Variants in VAT1L observed in about 807,000 individuals in gnomAD.
The protein encoded by VAT1L is putative NADPH-dependent quinone oxidoreductase VAT1L.
A neutral mutation model predicts 44.1 loss-of-function variants in VAT1L; 34 were observed. The observed-to-expected ratio is 0.77, with a 90% CI of 0.59 to 1.03. The LOEUF is 1.03. Among genes scored for constraint, VAT1L ranks in the 50% least tolerant of loss-of-function variants. The pLI is 0.00. For synonymous variants in VAT1L, 253 were observed against 202.2 expected, an observed-to-expected ratio of 1.25 and a Z score of -2.13; for missense variants, 615 against 538.8, an observed-to-expected ratio of 1.14 and a Z score of -1.40.
intron 2 of VAT1L, among the ~76,000 whole-genome samples, chr16:77,819,199 C>T (rs2016406832): frequency 1.3e-5 from 2 of 152,092 alleles, no homozygotes; most frequent in East Asian, 3.9e-4. Flanking sequence ...ATGAGCACCA[C>T]TGCCAAGGTG....
In VAT1L at chr16:77,919,157, TGTGCACGC is replaced by T. The variant is rs561398762; in HGVS notation, c.1077+34356_1077+34363del. Among the ~76,000 whole-genome samples the T allele has an allele frequency of 2.5e-4, 38 of 152,190 alleles. 1 individual carries two copies. In the South Asian group the frequency reaches 7.3e-3, roughly 29 times the overall value. On this transcript the variant is annotated intron_variant, in intron 7 of 8. Transcript: ENST00000302536. ...GTGTGCATGTGTGTGCATGCATGTG[TGTGCACGC>T]ATGTGTGCATGTGCATGTGTGTGTG...
In VAT1L at chr16:77,798,263, C is replaced by T. The variant is rs546620168; in HGVS notation, c.233+9348C>T. On this transcript the variant is annotated intron_variant, in intron 1 of 8. Transcript: ENST00000302536. The stretch of plus-strand genomic sequence containing the variant: ...ATTCCTTTCTTAACCTGGCACTAGC[C>T]ATACACCCAAGCCAGATGAGAGGCA... Among the ~76,000 whole-genome samples, 13 of 152,342 alleles carry T rather than the reference C, an allele frequency of 8.5e-5. No homozygotes were observed. In the South Asian group the frequency reaches 1.9e-3, roughly 22 times the overall value.
intron 3 of VAT1L, 119 bp from the exon 4 acceptor site, chr16:77,862,623 TAAAAAA>T (rs34096024): frequency 2.8e-4 from 110 of 396,430 alleles, no homozygotes; most frequent in Non-Finnish European, 3.1e-4. Context: ...ACTCCATCTC[TAAAAAA>T]AAAAAAAAAA....
rs563414533 is a variant in VAT1L at position 77,888,962 on chromosome 16, G to C, written c.1077+4160G>C. Among the ~76,000 whole-genome samples the C allele has an allele frequency of 2.0e-5, 3 of 152,288 alleles. No homozygotes were observed. In the East Asian group the frequency reaches 5.8e-4, roughly 29 times the overall value. ...AAGAACACCCACCGACTTTCTGCCG[G>C]CTTTCTGCAATATCTACAGACATCT... On this transcript the variant is annotated intron_variant, in intron 7 of 8. Transcript: ENST00000302536.
At chr16:77,915,997 C>T (rs1049787837) in intron 7 of VAT1L, among the ~76,000 whole-genome samples, 6 of 152,184 alleles carry the variant, frequency 3.9e-5, no homozygotes, top group Non-Finnish European at 7.3e-5. Flanking sequence ...AGCTGGCATA[C>T]TTAAGCATCA....
intron 7 of VAT1L, among the ~76,000 whole-genome samples, chr16:77,903,864 G>C (rs1345936630): frequency 1.3e-5 from 2 of 151,378 alleles, no homozygotes; most frequent in Admixed American, 1.3e-4. Flanking sequence ...AGCCTCCCGA[G>C]TAGCTGGGAC....
intron 7 of VAT1L, among the ~76,000 whole-genome samples, chr16:77,940,018 C>G (rs2017859015): frequency 6.6e-6 from 1 of 152,132 alleles, no homozygotes; most frequent in East Asian, 1.9e-4. Flanking sequence ...ATCAGTGCAT[C>G]AAGGTTTTCC....
intron 7 of VAT1L, among the ~76,000 whole-genome samples, chr16:77,954,044 AT>A (rs935137757): frequency 6.4e-4 from 98 of 152,276 alleles, no homozygotes; most frequent in African/African-American, 2.3e-3. Flanking sequence ...CACCACTGAG[AT>A]TCGTCCCTGA....
intron 1 of VAT1L, among the ~76,000 whole-genome samples, chr16:77,795,497 T>C (rs1231856976): frequency 6.6e-6 from 1 of 152,178 alleles, no homozygotes; most frequent in East Asian, 1.9e-4. Flanking sequence ...TCTGATGGCT[T>C]GTTTGTAGTA....
At chr16:77,796,421 C>T (rs2015934853) in intron 1 of VAT1L, among the ~76,000 whole-genome samples, 1 of 152,138 alleles carries the variant, frequency 6.6e-6, no homozygotes, top group Admixed American at 6.5e-5. Flanking sequence ...AAATTATCAT[C>T]CATGTTTTCT....
chr16:77,855,391 C>T (rs886851600), intron 3 of VAT1L, among the ~76,000 whole-genome samples: 2 of 151,910 alleles, frequency 1.3e-5, no homozygotes, highest in South Asian at 2.1e-4. Context: ...TGAGCTTACC[C>T]CTAGTCACAC....
chr16:77,900,789 C>A (rs997536119), intron 7 of VAT1L, among the ~76,000 whole-genome samples: 6 of 152,052 alleles, frequency 3.9e-5, no homozygotes, highest in African/African-American at 1.2e-4. Context: ...GACTGTACCC[C>A]ATTCCTGGCT....
intron 3 of VAT1L, among the ~76,000 whole-genome samples, chr16:77,849,767 C>T (rs1567487128): frequency 6.6e-6 from 1 of 152,188 alleles, no homozygotes; most frequent in African/African-American, 2.4e-5. Context: ...ACAGTTAAAA[C>T]GTACTCTGAT....
At chr16:77,844,523 C>G (rs1343890823) in intron 3 of VAT1L, among the ~76,000 whole-genome samples, 4 of 152,160 alleles carry the variant, frequency 2.6e-5, no homozygotes, top group Non-Finnish European at 5.9e-5. Context: ...ATTCTCCCCC[C>G]TTAGCCTCCC....
At chr16:77,951,701 T>C (rs571449499) in intron 7 of VAT1L, among the ~76,000 whole-genome samples, 1 of 151,906 alleles carries the variant, frequency 6.6e-6, no homozygotes, top group Non-Finnish European at 1.5e-5. Context: ...GCCAGCGACA[T>C]TTGAGGGAGG....
chr16:77,934,211 C>G (rs625108), intron 7 of VAT1L, among the ~76,000 whole-genome samples: 19 of 151,524 alleles, frequency 1.3e-4, no homozygotes, highest in African/African-American at 4.6e-4. Flanking sequence ...GCAGATTGGA[C>G]GTAAAGATTG....
rs759682465 is a variant in VAT1L at position 77,879,516 on chromosome 16, G to C, written c.882+292G>C. ...GTGTTGGCCAGGATGGTCTCAATCT[G>C]ACCTCGTGATCTGCCCGCCTCAGCC... On this transcript the variant is annotated intron_variant, in intron 6 of 8. Coordinates refer to ENST00000302536, the MANE Select transcript of VAT1L (RefSeq NM_020927.3). The surrounding 1 kb of genome is among the most constrained non-coding windows in gnomAD (Gnocchi z 4.1). 1.3e-5 allele frequency among the ~76,000 whole-genome samples: 2 copies of C among 152,152 alleles called. No individual in the cohort carries two copies. Among genetic ancestry groups the C allele is most frequent in the Non-Finnish European group, 2.9e-5 (2 of 68,032 alleles).
At chr16:77,912,309 G>T (rs1450211216) in intron 7 of VAT1L, among the ~76,000 whole-genome samples, 2 of 152,160 alleles carry the variant, frequency 1.3e-5, no homozygotes, top group Non-Finnish European at 2.9e-5. Flanking sequence ...AAGCGCCTGG[G>T]ATTGAGTCTT....
At chr16:77,886,586 A>G (rs563215790) in intron 7 of VAT1L, among the ~76,000 whole-genome samples, 2 of 152,364 alleles carry the variant, frequency 1.3e-5, no homozygotes, top group African/African-American at 2.4e-5. Flanking sequence ...AACAACAACT[A>G]TGTGCCCAGT....
Sources: allele counts gnomAD v4.1 joint callset (sites outside exome capture counted in the v4.1 genomes callset), GRCh38; gene constraint gnomAD v4.1.1; non-coding constraint Gnocchi (gnomAD v3.1); transcripts MANE v1.5; gene names NCBI Gene and HGNC (gene_info 2026-07-23, HGNC 2026-07-21).